IQCM: variants seen among roughly 807,000 people sequenced by gnomAD.
IQCM encodes IQ domain-containing protein M.
IQCM carries 45 observed loss-of-function variants against 57.6 expected under a neutral mutation model. The ratio of observed to expected loss-of-function variants is 0.78; its 90% CI spans 0.62 to 1.00. IQCM has a LOEUF of 1.00. Among genes scored for constraint, IQCM ranks in the 50% least tolerant of loss-of-function variants. The pLI is 0.00. For synonymous variants in IQCM, 148 were observed against 158.9 expected (o/e 0.93, Z 0.51); for missense variants, 468 against 511.6 (o/e 0.91, Z 0.82).
chr4:149,466,549 T>G (rs1738878122), intron 12 of IQCM, among the ~76,000 whole-genome samples: 2 of 152,184 alleles, frequency 1.3e-5, no homozygotes, highest in South Asian at 4.1e-4. Context: ...ATGCTTATTT[T>G]CAAGAGGAGC....
chr4:149,673,286 T>C (rs899476745), intron 7 of IQCM, among the ~76,000 whole-genome samples: 26 of 152,224 alleles, frequency 1.7e-4, no homozygotes, highest in Admixed American at 1.0e-3. Flanking sequence ...TAACCTTAAA[T>C]GTAAATGGGC....
intron 6 of IQCM, among the ~76,000 whole-genome samples, chr4:149,683,129 C>G (rs1324758388): frequency 4.0e-5 from 6 of 151,074 alleles, no homozygotes; most frequent in Non-Finnish European, 8.9e-5. Flanking sequence ...TATTTTGGCC[C>G]ATTACATAGA....
chr4:149,764,454 G>C (rs143020827), intron 2 of IQCM, among the ~76,000 whole-genome samples: 1 of 152,230 alleles, frequency 6.6e-6, no homozygotes, highest in East Asian at 1.9e-4. Flanking sequence ...TTTTGTCGCT[G>C]TGCAGCTCCC....
chr4:149,774,282 C>T (rs1217648701), intron 2 of IQCM, among the ~76,000 whole-genome samples: 3 of 152,104 alleles, frequency 2.0e-5, no homozygotes, highest in Non-Finnish European at 4.4e-5. Flanking sequence ...TAAGTATATA[C>T]ACGCTGGTCC....
intron 12 of IQCM, among the ~76,000 whole-genome samples, chr4:149,463,456 C>T (rs1395483461): frequency 6.6e-6 from 1 of 152,184 alleles, no homozygotes; most frequent in African/African-American, 2.4e-5. Flanking sequence ...CTCTCTCCTG[C>T]AACACTAAAG....
intron 2 of IQCM, among the ~76,000 whole-genome samples, chr4:149,814,480 A>G (rs753392492): frequency 6.6e-6 from 1 of 152,024 alleles, no homozygotes; most frequent in Non-Finnish European, 1.5e-5. Flanking sequence ...TTAAGTATAC[A>G]GGGTAATTAC....
intron 12 of IQCM, among the ~76,000 whole-genome samples, chr4:149,541,686 T>C (rs577741070): frequency 2.1e-4 from 32 of 152,182 alleles, no homozygotes; most frequent in African/African-American, 7.5e-4. Flanking sequence ...AGTTGCTTCA[T>C]TCTCCCAAAG....
At chr4:149,719,778 C>CACTGTG (rs1223869859) in intron 5 of IQCM, among the ~76,000 whole-genome samples, 1 of 152,182 alleles carries the variant, frequency 6.6e-6, no homozygotes, top group African/African-American at 2.4e-5. Flanking sequence ...AATCTAATAC[C>CACTGTG]ATTGGCTATG....
intron 13 of IQCM, among the ~76,000 whole-genome samples, chr4:149,419,505 A>G (rs1167945713): frequency 6.6e-6 from 1 of 152,174 alleles, no homozygotes; most frequent in African/African-American, 2.4e-5. Flanking sequence ...GATTGATTTA[A>G]GACTTAAATG....
chr4:149,577,818 C>T (rs1039132294), intron 9 of IQCM, among the ~76,000 whole-genome samples: 18 of 151,876 alleles, frequency 1.2e-4, no homozygotes, highest in East Asian at 3.9e-4. Flanking sequence ...TTGCTTCGGG[C>T]GGTATGGCCA....
chr4:149,401,489 C>A (rs1208611847), intron 13 of IQCM, among the ~76,000 whole-genome samples: 1 of 151,612 alleles, frequency 6.6e-6, no homozygotes, highest in East Asian at 1.9e-4. Flanking sequence ...TAGTTAAGGA[C>A]CATATATGTT....
At chr4:149,718,936 C>T (rs1489882712) in intron 5 of IQCM, among the ~76,000 whole-genome samples, 1 of 152,176 alleles carries the variant, frequency 6.6e-6, no homozygotes, top group African/African-American at 2.4e-5. Context: ...AGACCTTTTT[C>T]CCAAATAAAA....
chr4:149,770,600 T>C (rs926408768), intron 2 of IQCM, among the ~76,000 whole-genome samples: 4 of 152,154 alleles, frequency 2.6e-5, no homozygotes, highest in Non-Finnish European at 5.9e-5. Context: ...GTTCATCCCA[T>C]AATGCAAATT....
At chr4:149,812,615 T>C (rs966124129) in intron 2 of IQCM, among the ~76,000 whole-genome samples, 1 of 152,096 alleles carries the variant, frequency 6.6e-6, no homozygotes, top group Non-Finnish European at 1.5e-5. Flanking sequence ...TCTAAAATTT[T>C]GGAATAACAT....
chr4:149,405,885 TCTTC>T (rs1287340978), intron 13 of IQCM, among the ~76,000 whole-genome samples: 2 of 25,136 alleles, frequency 8.0e-5, no homozygotes, highest in African/African-American at 2.8e-4. Flanking sequence ...TATATATATA[TCTTC>T]ATATATATAT....
intron 12 of IQCM, among the ~76,000 whole-genome samples, chr4:149,500,093 T>A (rs1413752103): frequency 6.6e-6 from 1 of 152,212 alleles, no homozygotes; most frequent in Non-Finnish European, 1.5e-5. Context: ...AGCTTCTAAT[T>A]TGTCCAAATA....
rs1340404330 is a variant in IQCM at position 149,621,160 on chromosome 4, T to C, written c.650A>G (p.Gln217Arg). Residue 217 changes from glutamine to arginine, a missense_variant, in exon 8 of 14, where the codon CAA becomes CGA. Transcript: ENST00000636793. ...ATAATCCCGAAATATTGATGATGAT[T>C]GAGAGAAACTAACTCGACGGGAGTC... is the stretch of plus-strand genomic sequence containing the variant. ...ACDSRRVSFS[Q>R]SSSIFRDYYS... is the part of the protein sequence containing the mutation. The C allele has an allele frequency of 8.1e-7, 1 of 1,230,668 alleles. No individual in the cohort carries two copies. The highest frequency in any genetic ancestry group is 1.6e-5 in the African/African-American group (1 of 64,374). 76.2% of individuals were successfully genotyped at this position (1,230,668 alleles called of 1,614,324 possible).
intron 13 of IQCM, 131 bp downstream of exon 13, chr4:149,433,265 A>T: frequency 2.3e-6 from 1 of 440,922 alleles, no homozygotes. Context: ...AGAGTATCTA[A>T]GAAGTAAAGA....
At chr4:149,517,820 C>T (rs1258739951) in intron 12 of IQCM, among the ~76,000 whole-genome samples, 2 of 152,152 alleles carry the variant, frequency 1.3e-5, no homozygotes, top group East Asian at 1.9e-4. Flanking sequence ...CTGGATGCTT[C>T]CTGCCCTGGA....
Sources: gnomAD v4.1 joint callset for allele counts (sites outside exome capture counted in the v4.1 genomes callset) on GRCh38, gnomAD v4.1.1 for gene constraint, MANE v1.5 for transcripts, NCBI Gene and HGNC (gene_info 2026-07-23, HGNC 2026-07-21) for gene names.